The following FBXO42 variants were observed in gnomAD, a reference collection of about 807,000 sequenced individuals.
The protein encoded by FBXO42 is F-box only protein 42.
In FBXO42, 12 loss-of-function variants were observed where a neutral mutation model predicts 71.7. The observed-to-expected ratio is 0.17, with a 90% CI of 0.11 to 0.27. The LOEUF is 0.27. Ranked by LOEUF, FBXO42 falls within the 10% of genes least tolerant of loss-of-function variation. FBXO42 has a pLI of 1.00. For missense variants in FBXO42, 707 were observed against 911.9 expected (o/e 0.78, Z 2.89); for synonymous variants, 325 against 327.5 (o/e 0.99, Z 0.08).
chr1:16,279,848 T>C (rs1438165356), intron 4 of FBXO42, among the ~76,000 whole-genome samples: 1 of 67,816 alleles, frequency 1.5e-5, no homozygotes, highest in Non-Finnish European at 3.4e-5. Flanking sequence ...CAATGGTTTT[T>C]TTTTTCTTTT....
intron 1 of FBXO42, among the ~76,000 whole-genome samples, chr1:16,342,639 C>T (rs939515483): frequency 2.6e-5 from 4 of 151,788 alleles, no homozygotes; most frequent in Non-Finnish European, 4.4e-5. Flanking sequence ...TCCCCTGACC[C>T]TTAATAGTTT....
At chr1:16,299,088 C>T (rs931499250) in intron 3 of FBXO42, among the ~76,000 whole-genome samples, 6 of 152,136 alleles carry the variant, frequency 3.9e-5, no homozygotes, top group Non-Finnish European at 7.4e-5. Context: ...TCTTGGCTCA[C>T]TGCAACCTCT....
At chr1:16,291,699 T>A (rs558027361) in intron 4 of FBXO42, among the ~76,000 whole-genome samples, 46 of 151,718 alleles carry the variant, frequency 3.0e-4, no homozygotes, top group Admixed American at 5.9e-4. Flanking sequence ...TGAGACAGGG[T>A]CTCCCTCTTT....
chr1:16,346,691 G>T (rs1235251478), intron 1 of FBXO42, among the ~76,000 whole-genome samples: 2 of 114,158 alleles, frequency 1.8e-5, no homozygotes, highest in African/African-American at 6.4e-5. Flanking sequence ...CCGTCTCGGG[G>T]AAAAAAAAAA....
At chr1:16,282,873 CAGGAAG>C (rs2081979193) in intron 4 of FBXO42, among the ~76,000 whole-genome samples, 1 of 151,698 alleles carries the variant, frequency 6.6e-6, no homozygotes, top group African/African-American at 2.4e-5. Flanking sequence ...CCCAGCTACT[CAGGAAG>C]CTGAGGCAGG....
At chr1:16,284,341 G>A (rs1462850431) in intron 4 of FBXO42, among the ~76,000 whole-genome samples, 2 of 152,140 alleles carry the variant, frequency 1.3e-5, no homozygotes, top group African/African-American at 4.8e-5. Flanking sequence ...CCACTCACCA[G>A]CACCTGCAAT....
chr1:16,251,896 C>T lies in FBXO42; in HGVS notation c.1039-111G>A. 1 of 1,354,150 alleles carries T rather than the reference C, an allele frequency of 7.4e-7. No individual in the cohort carries two copies. The highest frequency in any genetic ancestry group is 1.0e-6 in the Non-Finnish European group (1 of 1,002,682). 83.9% of individuals were successfully genotyped at this position (1,354,150 alleles called of 1,614,324 possible). ...CATGTGCCAGACATTTTGTAGGTAC[C>T]TGAGATATGAAGATGAAAATGATGT... On this transcript the variant is annotated intron_variant, in intron 9 of 9. Coordinates refer to ENST00000375592, the MANE Select transcript of FBXO42 (RefSeq NM_018994.3). This position sits in a 1 kb window ranked among gnomAD's most constrained non-coding sequence, Gnocchi z 4.5.
intron 4 of FBXO42, among the ~76,000 whole-genome samples, chr1:16,274,401 T>C (rs1472658860): frequency 4.6e-5 from 7 of 151,134 alleles, no homozygotes; most frequent in Admixed American, 1.3e-4. Context: ...TCTATGGGGG[T>C]TGTACAGACA....
intron 2 of FBXO42, among the ~76,000 whole-genome samples, chr1:16,311,298 G>A (rs1015401957): frequency 1.3e-5 from 2 of 149,934 alleles, no homozygotes; most frequent in Non-Finnish European, 1.5e-5. Context: ...GCAACACAGT[G>A]AGACCCCATC....
intron 4 of FBXO42, among the ~76,000 whole-genome samples, chr1:16,286,400 G>A (rs1419579823): frequency 6.6e-6 from 1 of 152,174 alleles, no homozygotes; most frequent in African/African-American, 2.4e-5. Context: ...TCTTCCCAGG[G>A]CAGCAGGACG....
intron 1 of FBXO42, among the ~76,000 whole-genome samples, chr1:16,334,326 G>C (rs2082529919): frequency 6.6e-6 from 1 of 151,546 alleles, no homozygotes; most frequent in African/African-American, 2.4e-5. Flanking sequence ...CCAGCTACTC[G>C]GGAGGCTGAG....
At chr1:16,301,809 C>T (rs2082198346) in intron 3 of FBXO42, among the ~76,000 whole-genome samples, 2 of 151,670 alleles carry the variant, frequency 1.3e-5, no homozygotes, top group Non-Finnish European at 2.9e-5. Flanking sequence ...AAAATATATA[C>T]ATATATTTTA....
intron 1 of FBXO42, among the ~76,000 whole-genome samples, chr1:16,343,964 AAAC>A (rs1008977545): frequency 7.9e-5 from 12 of 151,680 alleles, no homozygotes; most frequent in South Asian, 6.2e-4. Flanking sequence ...AAAAAAAAAA[AAAC>A]AACAACAAAA....
At chr1:16,325,405 CA>C (rs202228189) in intron 1 of FBXO42, among the ~76,000 whole-genome samples, 2,631 of 148,836 alleles carry the variant, frequency 0.018, 36 homozygotes, top group Middle Eastern at 0.027. Flanking sequence ...ATGTTTTGAC[CA>C]AAAAAAAAGC....
intron 4 of FBXO42, among the ~76,000 whole-genome samples, chr1:16,280,235 T>C (rs75166575): frequency 0.024 from 3,578 of 152,172 alleles, 138 homozygotes; most frequent in African/African-American, 0.081. Context: ...AGTCTAACCA[T>C]AAGATAAACA....
intron 1 of FBXO42, among the ~76,000 whole-genome samples, chr1:16,342,816 G>C (rs2082619806): frequency 6.6e-6 from 1 of 152,070 alleles, no homozygotes; most frequent in African/African-American, 2.4e-5. Context: ...GAGTGACTTG[G>C]TGCTGTTCTC....
intron 2 of FBXO42, among the ~76,000 whole-genome samples, chr1:16,308,518 T>TTTTTTG (rs1557595233): frequency 7.0e-6 from 1 of 143,266 alleles, no homozygotes. Flanking sequence ...TTTTTTCCTT[T>TTTTTTG]AGACTGAGTC....
intron 4 of FBXO42, chr1:16,294,049 T>C (rs767907343): frequency 1.3e-5 from 2 of 152,218 alleles, no homozygotes; most frequent in Non-Finnish European, 2.9e-5. Context: ...TGAGTCCTAA[T>C]ACTAAAAAGC....
At chr1:16,257,759 C>T (rs1324933890) in intron 4 of FBXO42, among the ~76,000 whole-genome samples, 1 of 152,136 alleles carries the variant, frequency 6.6e-6, no homozygotes, top group Non-Finnish European at 1.5e-5. Flanking sequence ...CGGCTCACTG[C>T]AACCTCCACC....
Sources: gnomAD v4.1 joint callset for allele counts (sites outside exome capture counted in the v4.1 genomes callset) on GRCh38, gnomAD v4.1.1 for gene constraint, Gnocchi (gnomAD v3.1) non-coding constraint, MANE v1.5 for transcripts, NCBI Gene and HGNC (gene_info 2026-07-23, HGNC 2026-07-21) for gene names.